The following ZNF423 variants were observed in gnomAD, a reference collection of about 807,000 sequenced individuals.
ZNF423 encodes the protein Ebf-associated zinc finger protein.
ZNF423 carries 12 observed loss-of-function variants against 95.8 expected under a neutral mutation model. The observed-to-expected ratio is 0.13, with a 90% CI of 0.08 to 0.20. The LOEUF is 0.20. Among genes scored for constraint, ZNF423 ranks in the 10% least tolerant of loss-of-function variants. The probability of loss-of-function intolerance (pLI) is 1.00; values close to 1 mark genes in which losing one functional copy is unlikely to be tolerated. For synonymous variants in ZNF423, 749 were observed against 711.9 expected (o/e 1.05, Z -0.83); for missense variants, 1,316 against 1,737.1 (o/e 0.76, Z 4.31).
At chr16:49,616,566 C>G (rs754395304) in intron 5 of ZNF423, among the ~76,000 whole-genome samples, 2 of 151,862 alleles carry the variant, frequency 1.3e-5, no homozygotes, top group African/African-American at 4.8e-5. Flanking sequence ...ATATTGCATG[C>G]CTGTATCGAA....
chr16:49,829,685 A>C (rs2035042079), intron 1 of ZNF423, among the ~76,000 whole-genome samples: 1 of 152,080 alleles, frequency 6.6e-6, no homozygotes, highest in African/African-American at 2.4e-5. Flanking sequence ...TTTTTCACAG[A>C]AGTGGCCCTT....
At chr16:49,689,750 C>A (rs530332628) in intron 3 of ZNF423, among the ~76,000 whole-genome samples, 16 of 152,286 alleles carry the variant, frequency 1.1e-4, no homozygotes, top group Middle Eastern at 3.4e-3. Context: ...AGGTCAGGAA[C>A]AGGCAGGTGG....
chr16:49,795,296 G>A (rs538688953), intron 1 of ZNF423, among the ~76,000 whole-genome samples: 6 of 152,146 alleles, frequency 3.9e-5, no homozygotes, highest in Non-Finnish European at 8.8e-5. Context: ...TCCCCTCCAC[G>A]CCACCACTGT....
At chr16:49,523,254 C>G (rs540089999) in intron 7 of ZNF423, among the ~76,000 whole-genome samples, 5 of 152,326 alleles carry the variant, frequency 3.3e-5, no homozygotes, top group Admixed American at 1.3e-4. Flanking sequence ...CCACACAGCC[C>G]CAGGACCCAG....
chr16:49,843,226 A>G (rs1443553863), intron 1 of ZNF423, among the ~76,000 whole-genome samples: 2 of 152,242 alleles, frequency 1.3e-5, no homozygotes, highest in African/African-American at 2.4e-5. Context: ...TACTCCCTGC[A>G]TCATCATTTA....
At position 49,491,143 on chromosome 16, in the gene ZNF423, C is replaced by A. The variant is rs1966940328; in HGVS notation, c.*132G>T. The A allele has an allele frequency of 9.4e-7, 1 of 1,063,278 alleles. No individual in the cohort carries two copies. The highest frequency in any genetic ancestry group is 1.5e-6 in the Non-Finnish European group (1 of 685,690). 65.9% of individuals were successfully genotyped at this position (1,063,278 alleles called of 1,614,324 possible). ...TTCCAGCTGCTTATAATAGCAGCGCCTCATGGCCAAATCATTAGAGTTTTA... is the reference window on the plus strand; with the variant it reads ...TTCCAGCTGCTTATAATAGCAGCGCATCATGGCCAAATCATTAGAGTTTTA... On this transcript the variant is annotated 3_prime_UTR_variant, in exon 8 of 8. Coordinates refer to ENST00000563137, the MANE Select transcript of ZNF423 (RefSeq NM_001379286.1).
chr16:49,669,324 C>T (rs927771668), intron 3 of ZNF423, among the ~76,000 whole-genome samples: 4 of 148,374 alleles, frequency 2.7e-5, no homozygotes, highest in Non-Finnish European at 4.5e-5. Context: ...AGCGAAACTC[C>T]GTCTCAAAAA....
chr16:49,551,925 A>C (rs749518740), intron 5 of ZNF423, among the ~76,000 whole-genome samples: 1 of 151,900 alleles, frequency 6.6e-6, no homozygotes, highest in Non-Finnish European at 1.5e-5. Flanking sequence ...CCATCTTCCA[A>C]CTCAAATCTG....
At chr16:49,668,311 A>G (rs576170427) in intron 3 of ZNF423, among the ~76,000 whole-genome samples, 1 of 152,330 alleles carries the variant, frequency 6.6e-6, no homozygotes, top group African/African-American at 2.4e-5. Context: ...CCGAAATGGC[A>G]GGGGTGGGAG....
At chr16:49,787,090 T>C (rs1363167315) in intron 2 of ZNF423, among the ~76,000 whole-genome samples, 3 of 152,118 alleles carry the variant, frequency 2.0e-5, no homozygotes, top group East Asian at 3.9e-4. Flanking sequence ...ACTCAGTGCC[T>C]GGCATGCACT....
intron 5 of ZNF423, among the ~76,000 whole-genome samples, chr16:49,587,673 A>G (rs564484505): frequency 6.6e-6 from 1 of 152,252 alleles, no homozygotes; most frequent in East Asian, 1.9e-4. Context: ...TCTAAGGAGT[A>G]GTCAACAGGG....
chr16:49,560,706 T>C (rs1254485863), intron 5 of ZNF423, among the ~76,000 whole-genome samples: 7 of 152,126 alleles, frequency 4.6e-5, no homozygotes, highest in African/African-American at 1.7e-4. Context: ...TTCCAACTGC[T>C]GAAATTCCCC....
intron 7 of ZNF423, among the ~76,000 whole-genome samples, chr16:49,493,029 G>T (rs967737242): frequency 6.6e-6 from 1 of 152,150 alleles, no homozygotes; most frequent in African/African-American, 2.4e-5. Context: ...TCGGTCGGGG[G>T]CGTCAGGGAC....
At chr16:49,524,820 C>T (rs1030235232) in intron 6 of ZNF423, among the ~76,000 whole-genome samples, 3 of 152,226 alleles carry the variant, frequency 2.0e-5, no homozygotes, top group Admixed American at 6.5e-5. Flanking sequence ...GCCGGCAGAG[C>T]CCCTGAGACT....
At chr16:49,560,264 T>A (rs1049541410) in intron 5 of ZNF423, among the ~76,000 whole-genome samples, 1 of 152,182 alleles carries the variant, frequency 6.6e-6, no homozygotes. Flanking sequence ...TTAGGGAAAC[T>A]TGGCCAATCA....
intron 3 of ZNF423, among the ~76,000 whole-genome samples, chr16:49,650,221 A>C (rs1356140909): frequency 6.6e-6 from 1 of 152,218 alleles, no homozygotes; most frequent in African/African-American, 2.4e-5. Flanking sequence ...GAAGAAACTC[A>C]GTCAATTGCA....
At chr16:49,854,077 A>AAC in intron 1 of ZNF423, 2 of 985,312 alleles carry the variant, frequency 2.0e-6, no homozygotes, top group Non-Finnish European at 2.4e-6. Flanking sequence ...GCAAAAGAGA[A>AAC]ACATCCACCC....
intron 3 of ZNF423, among the ~76,000 whole-genome samples, chr16:49,677,766 AAAAGAG>A (rs1211222895): frequency 1.4e-5 from 2 of 147,122 alleles, no homozygotes; most frequent in African/African-American, 2.6e-5. Flanking sequence ...AAAAAAAAAA[AAAAGAG>A]AGAGAGAGAG....
intron 1 of ZNF423, among the ~76,000 whole-genome samples, chr16:49,793,665 G>C (rs902974059): frequency 6.6e-6 from 1 of 152,196 alleles, no homozygotes; most frequent in Non-Finnish European, 1.5e-5. Flanking sequence ...CCGGCATAGG[G>C]ACAGCACGTG....
Sources: allele counts gnomAD v4.1 joint callset (sites outside exome capture counted in the v4.1 genomes callset), GRCh38; gene constraint gnomAD v4.1.1; transcripts MANE v1.5; gene names NCBI Gene and HGNC (gene_info 2026-07-23, HGNC 2026-07-21).